The following HTR4 variants were observed in gnomAD, a reference collection of about 807,000 sequenced individuals.
HTR4 encodes 5-hydroxytryptamine (serotonin) receptor 4, G protein-coupled.
In HTR4, 16 loss-of-function variants were observed where a neutral mutation model predicts 36.8. The ratio of observed to expected loss-of-function variants is 0.43; its 90% CI spans 0.29 to 0.66. The LOEUF (loss-of-function observed/expected upper bound fraction) is 0.66. Ranked by LOEUF, HTR4 falls within the 30% of genes least tolerant of loss-of-function variation. The pLI, the probability that HTR4 is intolerant of heterozygous loss-of-function variation, is 0.13. For synonymous variants in HTR4, 189 were observed against 185.1 expected (o/e 1.02, Z -0.17); for missense variants, 438 against 490.9 (o/e 0.89, Z 1.02).
In HTR4 at chr5:148,615,231, G is replaced by A. The variant is rs571529751; in HGVS notation, c.26+21758C>T. 7.9e-5 allele frequency among the ~76,000 whole-genome samples: 12 copies of A among 152,106 alleles called. No homozygotes were observed. In the South Asian group the frequency reaches 1.5e-3, roughly 18 times the overall value. On this transcript the variant is annotated intron_variant, in intron 2 of 6. Coordinates refer to ENST00000377888, the MANE Select transcript of HTR4 (RefSeq NM_000870.7). Reference sequence around the variant, plus strand: ...TGTTGCTATAAAGACACATGCACACGTATGTTTATTGCAGCATTATTCACA... The same window carrying A: ...TGTTGCTATAAAGACACATGCACACATATGTTTATTGCAGCATTATTCACA...
At chr5:148,610,413 G>A (rs895129657) in intron 2 of HTR4, among the ~76,000 whole-genome samples, 9 of 152,196 alleles carry the variant, frequency 5.9e-5, no homozygotes, top group African/African-American at 1.9e-4. Context: ...TCCAGCAGGG[G>A]CACACTGACA....
At chr5:148,626,044 G>T (rs961211382) in intron 2 of HTR4, among the ~76,000 whole-genome samples, 5 of 152,154 alleles carry the variant, frequency 3.3e-5, no homozygotes, top group Non-Finnish European at 5.9e-5. Context: ...CAGAGAACTG[G>T]TCTGAGTCTC....
At chr5:148,564,854 G>A (rs1760367890) in intron 2 of HTR4, among the ~76,000 whole-genome samples, 1 of 152,152 alleles carries the variant, frequency 6.6e-6, no homozygotes, top group African/African-American at 2.4e-5. Flanking sequence ...GCTCACGCCT[G>A]TAATCCCAGC....
intron 6 of HTR4, among the ~76,000 whole-genome samples, chr5:148,496,640 G>A (rs1241564556): frequency 1.3e-5 from 2 of 152,162 alleles, no homozygotes; most frequent in Non-Finnish European, 2.9e-5. Flanking sequence ...CTCAATATCA[G>A]GAAAACCTTT....
intron 4 of HTR4, among the ~76,000 whole-genome samples, chr5:148,543,526 C>A (rs781759718): frequency 5.9e-5 from 9 of 152,168 alleles, no homozygotes; most frequent in Non-Finnish European, 1.3e-4. Context: ...TGGCATATAT[C>A]ATAAACTCAA....
intron 2 of HTR4, among the ~76,000 whole-genome samples, chr5:148,559,761 G>A (rs929431814): frequency 6.6e-6 from 1 of 152,044 alleles, no homozygotes; most frequent in African/African-American, 2.4e-5. Flanking sequence ...GAATGCCAAA[G>A]ACACTGCTCC....
chr5:148,517,044 A>G (rs982413523), intron 5 of HTR4, among the ~76,000 whole-genome samples: 3 of 152,098 alleles, frequency 2.0e-5, no homozygotes, highest in Non-Finnish European at 4.4e-5. Context: ...TTACTTTCCA[A>G]TCTTTCAAAG....
intron 4 of HTR4, among the ~76,000 whole-genome samples, chr5:148,526,696 TA>T (rs971590305): frequency 2.6e-5 from 4 of 151,870 alleles, no homozygotes; most frequent in African/African-American, 7.3e-5. Flanking sequence ...TATTCCATCA[TA>T]AAAAAAATAA....
chr5:148,619,137 G>T (rs1256702212), intron 2 of HTR4, among the ~76,000 whole-genome samples: 1 of 152,142 alleles, frequency 6.6e-6, no homozygotes, highest in Non-Finnish European at 1.5e-5. Context: ...TTTGATCTTG[G>T]AGTAAAGAAA....
At chr5:148,458,499 G>A (rs1288492322) in intron 5 of HTR4, among the ~76,000 whole-genome samples, 1 of 152,114 alleles carries the variant, frequency 6.6e-6, no homozygotes, top group Non-Finnish European at 1.5e-5. Context: ...TACAAGTAGT[G>A]TCAGGAGTGA....
intron 2 of HTR4, among the ~76,000 whole-genome samples, chr5:148,582,791 T>C (rs565587897): frequency 6.6e-6 from 1 of 152,324 alleles, no homozygotes; most frequent in Non-Finnish European, 1.5e-5. Flanking sequence ...TTTTGTATCC[T>C]GAGACTTTGC....
intron 2 of HTR4, among the ~76,000 whole-genome samples, chr5:148,595,517 C>A (rs1397737797): frequency 1.3e-5 from 2 of 152,242 alleles, no homozygotes; most frequent in African/African-American, 4.8e-5. Flanking sequence ...CCACCAGGAG[C>A]AAATCATGCC....
At chr5:148,620,958 AAC>A (rs1290111206) in intron 2 of HTR4, among the ~76,000 whole-genome samples, 1 of 152,238 alleles carries the variant, frequency 6.6e-6, no homozygotes, top group Non-Finnish European at 1.5e-5. Context: ...TACTTAGAAG[AAC>A]AGTCACTGCC....
chr5:148,654,107 G>A lies in HTR4; in HGVS notation c.-93C>T, dbSNP rs928563019. 2.2e-4 allele frequency: 221 copies of A among 985,452 alleles called. 2 individuals carry two copies. In the East Asian group the frequency reaches 0.015, roughly 65 times the overall value. 61.0% of individuals were successfully genotyped at this position (985,452 alleles called of 1,614,324 possible). ...GCGAGGTGCCCTGGCAGATTCGAGCGGCCACCCCCAGCCGCTGAGCCGAGC... is the reference window on the plus strand; with the variant it reads ...GCGAGGTGCCCTGGCAGATTCGAGCAGCCACCCCCAGCCGCTGAGCCGAGC... On this transcript the variant is annotated 5_prime_UTR_variant, in exon 1 of 7. Coordinates refer to ENST00000377888, the MANE Select transcript of HTR4 (RefSeq NM_000870.7).
chr5:148,499,391 G>A (rs1303037325), intron 6 of HTR4, among the ~76,000 whole-genome samples: 1 of 152,088 alleles, frequency 6.6e-6, no homozygotes, highest in Non-Finnish European at 1.5e-5. Flanking sequence ...ATGAAGGTAT[G>A]CCTATAAAAT....
chr5:148,476,168 G>A (rs1030997249), downstream of HTR4, among the ~76,000 whole-genome samples: 2 of 152,154 alleles, frequency 1.3e-5, no homozygotes, highest in African/African-American at 4.8e-5. Flanking sequence ...CTCTCACTGG[G>A]TCCATTCTAC....
At chr5:148,587,754 G>C (rs1383750844) in intron 2 of HTR4, among the ~76,000 whole-genome samples, 1 of 152,174 alleles carries the variant, frequency 6.6e-6, no homozygotes, top group East Asian at 1.9e-4. Flanking sequence ...AGCCTTTGCA[G>C]AAACAAGACA....
At chr5:148,645,613 T>C (rs1373948464) in intron 1 of HTR4, 1 of 152,178 alleles carries the variant, frequency 6.6e-6, no homozygotes, top group African/African-American at 2.4e-5. Flanking sequence ...CTCAGCAGCC[T>C]CATCTGTATA....
intron 4 of HTR4, among the ~76,000 whole-genome samples, chr5:148,536,913 AC>A (rs1376019682): frequency 6.6e-6 from 1 of 152,158 alleles, no homozygotes; most frequent in East Asian, 1.9e-4. Context: ...AGAACTCTCC[AC>A]CCCAAAACAA....
Sources: gnomAD v4.1 joint callset for allele counts (sites outside exome capture counted in the v4.1 genomes callset) on GRCh38, gnomAD v4.1.1 for gene constraint, MANE v1.5 for transcripts, NCBI Gene and HGNC (gene_info 2026-07-23, HGNC 2026-07-21) for gene names.